Variants in GABRR1 observed in about 807,000 individuals in gnomAD.
GABRR1 encodes gamma-aminobutyric acid receptor subunit rho-1.
GABRR1 carries 59 observed loss-of-function variants against 55.5 expected under a neutral mutation model. The observed-to-expected ratio is 1.06, with a 90% CI of 0.86 to 1.32. GABRR1 has a LOEUF of 1.32. Among genes scored for constraint, GABRR1 ranks in the 40% most tolerant of loss-of-function variants. GABRR1 has a pLI of 0.00. For synonymous variants in GABRR1, 213 were observed against 226.0 expected (o/e 0.94, Z 0.51); for missense variants, 602 against 619.1 (o/e 0.97, Z 0.29).
chr6:89,217,785 T>C (rs1307550409), upstream of GABRR1: 1 of 154,354 alleles, frequency 6.5e-6, no homozygotes, highest in Non-Finnish European at 1.4e-5. Flanking sequence ...TTATTTGCTT[T>C]AGCTGAGGGC....
upstream of GABRR1, among the ~76,000 whole-genome samples, chr6:89,220,779 G>C (rs2127810891): frequency 6.6e-6 from 1 of 152,144 alleles, no homozygotes; most frequent in Middle Eastern, 3.4e-3. Context: ...GGAGTGCAAT[G>C]GCATGATCTC....
At chr6:89,198,316 G>C in intron 4 of GABRR1, 73 bp from the exon 5 acceptor site, 1 of 1,112,770 alleles carries the variant, frequency 9.0e-7, no homozygotes, top group Non-Finnish European at 1.4e-6. Flanking sequence ...TGTAGCCCCT[G>C]TGGAGCCATC....
chr6:89,185,260 G>A, intron 7 of GABRR1, 50 bp downstream of exon 7: 1 of 1,611,842 alleles, frequency 6.2e-7, no homozygotes, highest in Non-Finnish European at 8.5e-7. Flanking sequence ...GTGAACCTTG[G>A]AGACCAAGCT....
chr6:89,226,418 A>G (rs1248722037), intron 1 of GABRR1, among the ~76,000 whole-genome samples: 4 of 147,854 alleles, frequency 2.7e-5, no homozygotes, highest in African/African-American at 1.0e-4. Flanking sequence ...TAAATCTTTA[A>G]TCCATCTTGA....
At chr6:89,194,251 C>G (rs1040433905) in intron 5 of GABRR1, among the ~76,000 whole-genome samples, 1 of 152,162 alleles carries the variant, frequency 6.6e-6, no homozygotes, top group Non-Finnish European at 1.5e-5. Context: ...AACCCCTAGC[C>G]AGCCTTCCCA....
chr6:89,200,117 G>T (rs184659525), intron 3 of GABRR1, among the ~76,000 whole-genome samples: 20 of 152,286 alleles, frequency 1.3e-4, no homozygotes, highest in African/African-American at 4.1e-4. Flanking sequence ...GAGTAAAAAG[G>T]TGGGTTTGGA....
At chr6:89,219,852 A>G (rs941320861), upstream of GABRR1, among the ~76,000 whole-genome samples, 7 of 152,308 alleles carry the variant, frequency 4.6e-5, no homozygotes, top group South Asian at 2.1e-4. Context: ...AAAATCTTCA[A>G]TGTCTGTTCA....
chr6:89,185,479 C>A (rs750271212), intron 6 of GABRR1, 29 bp from the exon 7 acceptor site: 3 of 1,605,130 alleles, frequency 1.9e-6, no homozygotes, highest in South Asian at 2.2e-5. Flanking sequence ...GCATCAGACA[C>A]AAGGTGGTGG....
intron 1 of GABRR1, among the ~76,000 whole-genome samples, chr6:89,211,576 G>T (rs979285978): frequency 6.6e-6 from 1 of 151,934 alleles, no homozygotes; most frequent in Non-Finnish European, 1.5e-5. Context: ...AGTTGATTTT[G>T]ACCTTGGAGT....
At chr6:89,179,226 T>C (rs548688509) in intron 9 of GABRR1, among the ~76,000 whole-genome samples, 163 bp from the exon 10 acceptor site, 3 of 152,014 alleles carry the variant, frequency 2.0e-5, no homozygotes, top group African/African-American at 7.2e-5. Flanking sequence ...TGTTTTTTTT[T>C]TGGGGGGGAC....
intron 5 of GABRR1, among the ~76,000 whole-genome samples, chr6:89,196,832 AAAGAAAGAAAGAAAGAAAG>A (rs972014423): frequency 2.1e-5 from 2 of 94,882 alleles, no homozygotes; most frequent in African/African-American, 8.8e-5. Flanking sequence ...GGAAAGAAAG[AAAGAAAGAAAGAAAGAAAG>A]AAAGAAAGAA....
Position 89,178,700 on chromosome 6 carries a change from A to T in GABRR1, c.*70T>A. ...TTTTTTTTTAACCATATCCTTAAAT[A>T]CTTTTTCATTATACAGTTATTTCTG... is the stretch of plus-strand genomic sequence containing the variant. On this transcript the variant is annotated 3_prime_UTR_variant, in exon 10 of 10. Coordinates refer to ENST00000454853, the MANE Select transcript of GABRR1 (RefSeq NM_002042.5). The T allele has an allele frequency of 7.3e-7, 1 of 1,370,804 alleles. No individual in the cohort carries two copies. Among genetic ancestry groups the T allele is most frequent in the Non-Finnish European group, 1.0e-6 (1 of 982,252 alleles). The allele number at this position is 1,370,804 out of a possible 1,614,324, so 84.9% of individuals were successfully genotyped here.
intron 6 of GABRR1, among the ~76,000 whole-genome samples, chr6:89,189,441 C>T (rs1054875948): frequency 7.4e-6 from 1 of 134,412 alleles, no homozygotes; most frequent in Non-Finnish European, 1.6e-5. Flanking sequence ...TATTCTCACT[C>T]ATAGGTGGGA....
At position 89,177,964 on chromosome 6, in the gene GABRR1, T is replaced by C. The variant is rs1420482989; in HGVS notation, c.*806A>G. 3 of 152,218 alleles carry C rather than the reference T, an allele frequency of 2.0e-5. No individual in the cohort carries two copies. Among genetic ancestry groups the C allele is most frequent in the Non-Finnish European group, 4.4e-5 (3 of 68,036 alleles). 9.4% of individuals were successfully genotyped at this position (152,218 alleles called of 1,614,324 possible). A position where few individuals can be genotyped will look rare whatever the true frequency, so the allele number is the denominator to read the frequency against. ...AGATATCACATCACTGAGAAAGCAC[T>C]TCTCTTTGAACAAGGACATGCTCCA... On this transcript the variant is annotated 3_prime_UTR_variant, in exon 10 of 10. Coordinates refer to ENST00000454853, the MANE Select transcript of GABRR1 (RefSeq NM_002042.5).
chr6:89,208,450 T>G (rs111798927), intron 1 of GABRR1, among the ~76,000 whole-genome samples: 2,789 of 152,324 alleles, frequency 0.018, 43 homozygotes, highest in Middle Eastern at 0.034. Context: ...CCATGGTACT[T>G]GTTCTGGTCA....
chr6:89,178,947 G>A lies in GABRR1; in HGVS notation c.1263C>T (p.Asp421=). Residue 421 remains aspartate, a synonymous_variant, in exon 10 of 10, where the codon GAC becomes GAT. Coordinates refer to ENST00000454853, the MANE Select transcript of GABRR1 (RefSeq NM_002042.5). ...NYMPENGEKP[D]RMMVQLTLAS... ...CCAGGGTCAGCTGCACCATCATCCT[G>A]TCGGGCTTCTCTCCATTCTCTGGCA... 3 of 1,614,170 alleles carry A rather than the reference G, an allele frequency of 1.9e-6. No homozygotes were observed. The highest frequency in any genetic ancestry group is 2.5e-6 in the Non-Finnish European group (3 of 1,180,022).
At chr6:89,216,066 G>T (rs1468350287) in intron 1 of GABRR1, among the ~76,000 whole-genome samples, 3 of 152,176 alleles carry the variant, frequency 2.0e-5, no homozygotes, top group African/African-American at 7.2e-5. Context: ...GACTCTGATG[G>T]TAATAGGGCA....
chr6:89,218,987 G>A (rs182471976), upstream of GABRR1, among the ~76,000 whole-genome samples: 773 of 129,062 alleles, frequency 6.0e-3, 5 homozygotes, highest in African/African-American at 0.021. Flanking sequence ...TAGACATGGC[G>A]GGGCACGGTG....
At chr6:89,203,228 G>A (rs768764510) in intron 2 of GABRR1, among the ~76,000 whole-genome samples, 4 of 152,144 alleles carry the variant, frequency 2.6e-5, no homozygotes, top group South Asian at 2.1e-4. Context: ...CCATTGCCGC[G>A]GACATCCTCT....
Sources: allele counts gnomAD v4.1 joint callset (sites outside exome capture counted in the v4.1 genomes callset), GRCh38; gene constraint gnomAD v4.1.1; transcripts MANE v1.5; gene names NCBI Gene and HGNC (gene_info 2026-07-23, HGNC 2026-07-21).